MTM1: variants seen among roughly 807,000 people sequenced by gnomAD.
MTM1 encodes myotubularin 1, also known as myotubularin.
Under a neutral mutation model 52.1 loss-of-function variants are expected in MTM1, and 9 were observed. The observed-to-expected ratio is 0.17, with a 90% CI of 0.10 to 0.30. The LOEUF is 0.30. Ranked by LOEUF, MTM1 falls within the 10% of genes least tolerant of loss-of-function variation. MTM1 has a pLI of 1.00. For synonymous variants in MTM1, 136 were observed against 163.8 expected (o/e 0.83, Z 1.29); for missense variants, 277 against 470.7 (o/e 0.59, Z 3.81).
At chrX:150,579,592 C>T (rs782566362) in intron 1 of MTM1, among the ~76,000 whole-genome samples, 2 of 110,948 alleles carry the variant, frequency 1.8e-5, no homozygotes, top group East Asian at 5.7e-4. Context: ...ACCTCCTGGG[C>T]TAAAGTGATC....
intron 8 of MTM1, among the ~76,000 whole-genome samples, chrX:150,642,086 G>GT (rs34828694): frequency 1.1e-3 from 118 of 106,937 alleles, no homozygotes; most frequent in African/African-American, 3.3e-3. Context: ...GTACCTTGGG[G>GT]TTTTTTTTTT....
chrX:150,569,502 G>A (rs782629738), intron 1 of MTM1, among the ~76,000 whole-genome samples: 23 of 112,529 alleles, frequency 2.0e-4, no homozygotes, highest in Non-Finnish European at 3.8e-4. Context: ...TAAAATTATA[G>A]CATTTTAGAA....
chrX:150,587,644 G>A (rs1275330527), intron 1 of MTM1, among the ~76,000 whole-genome samples: 2 of 111,558 alleles, frequency 1.8e-5, no homozygotes, highest in African/African-American at 6.5e-5. Context: ...GGTTGAGGAC[G>A]TCTCAAGGTA....
rs1471000027 is a variant in MTM1, at chrX:150,583,461, TATAA to T, written c.-10-9140_-10-9137del. 3.9e-4 allele frequency among the ~76,000 whole-genome samples: 13 copies of T among 33,273 alleles called. 4 individuals carry two copies. Among genetic ancestry groups the T allele is most frequent in the Admixed American group, 1.5e-3 (2 of 1,374 alleles). The allele number at this position is 33,273 out of a possible 115,157, so 28.9% of individuals were successfully genotyped here. On this transcript the variant is annotated intron_variant, in intron 1 of 14. Coordinates refer to ENST00000370396, the MANE Select transcript of MTM1 (RefSeq NM_000252.3). ...AAAAATTATATATATTATATATAAT[TATAA>T]ATATATATAAATTATATATATTATA... is the stretch of plus-strand genomic sequence containing the variant.
chrX:150,635,144 C>T (rs1179948975), intron 6 of MTM1, among the ~76,000 whole-genome samples: 4 of 112,340 alleles, frequency 3.6e-5, no homozygotes, highest in Admixed American at 2.8e-4. Context: ...CTTGCTGAAG[C>T]ATCTACTGAA....
intron 6 of MTM1, among the ~76,000 whole-genome samples, chrX:150,619,535 A>G (rs1489506053): frequency 1.8e-5 from 2 of 112,349 alleles, no homozygotes; most frequent in African/African-American, 6.5e-5. Context: ...GTCAGGACCA[A>G]TTTATTATGC....
chrX:150,584,828 A>G (rs981017139), intron 1 of MTM1, among the ~76,000 whole-genome samples: 1 of 111,649 alleles, frequency 9.0e-6, no homozygotes, highest in Non-Finnish European at 1.9e-5. Context: ...TCAGTCCTCT[A>G]TAGATTACTT....
chrX:150,566,655 C>T (rs1054201609), upstream of MTM1, among the ~76,000 whole-genome samples: 1 of 110,820 alleles, frequency 9.0e-6, no homozygotes, highest in African/African-American at 3.3e-5. Context: ...CAGGAATTAC[C>T]TCCTTAGGAT....
chrX:150,612,241 A>G (rs1436284879), intron 4 of MTM1, among the ~76,000 whole-genome samples: 1 of 110,771 alleles, frequency 9.0e-6, no homozygotes, highest in Admixed American at 9.6e-5. Flanking sequence ...TGCCCTTAAG[A>G]TTCTTCCAGG....
At chrX:150,588,183 G>A (rs2038822764) in intron 1 of MTM1, among the ~76,000 whole-genome samples, 1 of 112,210 alleles carries the variant, frequency 8.9e-6, no homozygotes. Context: ...GTCTCAGTAT[G>A]TTTCCATAAG....
At chrX:150,626,787 C>A (rs1201202854) in intron 6 of MTM1, among the ~76,000 whole-genome samples, 4 of 111,982 alleles carry the variant, frequency 3.6e-5, no homozygotes, top group Non-Finnish European at 7.5e-5. Flanking sequence ...CACACACATG[C>A]TTTTAGCCTA....
At chrX:150,625,592 TCTTTAGAA>T (rs1164288142) in intron 6 of MTM1, among the ~76,000 whole-genome samples, 1 of 111,910 alleles carries the variant, frequency 8.9e-6, no homozygotes, top group Non-Finnish European at 1.9e-5. Flanking sequence ...TGAAAAGAAT[TCTTTAGAA>T]ATGGTTTTCC....
intron 1 of MTM1, among the ~76,000 whole-genome samples, chrX:150,584,691 G>A (rs1450393024): frequency 3.6e-5 from 4 of 110,967 alleles, no homozygotes; most frequent in African/African-American, 9.9e-5. Flanking sequence ...AAATACAATC[G>A]TCCCTTGGTA....
At chrX:150,632,090 C>T (rs1436714144) in intron 6 of MTM1, among the ~76,000 whole-genome samples, 1 of 111,760 alleles carries the variant, frequency 8.9e-6, no homozygotes, top group Non-Finnish European at 1.9e-5. Context: ...TGGCTGTGCT[C>T]AGGGATCTAG....
chrX:150,623,210 C>T (rs782503660), intron 6 of MTM1, among the ~76,000 whole-genome samples: 16 of 110,651 alleles, frequency 1.4e-4, no homozygotes, highest in South Asian at 3.9e-4. Context: ...GTTACAGAGG[C>T]GAGGGAAGAG....
chrX:150,586,811 G>A (rs1231004363), intron 1 of MTM1, among the ~76,000 whole-genome samples: 10 of 108,621 alleles, frequency 9.2e-5, no homozygotes, highest in African/African-American at 3.4e-4. Context: ...CTACTCAGGA[G>A]GCTGAGGCAG....
intron 1 of MTM1, among the ~76,000 whole-genome samples, chrX:150,580,501 G>A (rs1419976943): frequency 9.2e-6 from 1 of 108,212 alleles, no homozygotes; most frequent in Non-Finnish European, 1.9e-5. Flanking sequence ...CACTGGTTTT[G>A]GTTCTTCTTC....
intron 8 of MTM1, among the ~76,000 whole-genome samples, chrX:150,644,683 A>G (rs1678700702): frequency 9.0e-6 from 1 of 111,304 alleles, no homozygotes; most frequent in Admixed American, 9.6e-5. Context: ...GCCTGCCTCT[A>G]TAAGCTAACA....
At position 150,657,805 on chromosome X, in the gene MTM1, T is replaced by A. The variant is rs2040147488; in HGVS notation, c.1054-16T>A. ...TCTTATAACTCCCTACTGACTCACG[T>A]ATTTTTCTTTGTCAGCTCGTTTTGA... On this transcript the variant is annotated splice_polypyrimidine_tract_variant and intron_variant, in intron 10 of 14. Coordinates refer to ENST00000370396, the MANE Select transcript of MTM1 (RefSeq NM_000252.3). The A allele has an allele frequency of 8.3e-7, 1 of 1,202,631 alleles. No homozygotes were observed. The highest frequency in any genetic ancestry group is 2.2e-5 in the Admixed American group (1 of 45,651).
Sources: allele counts gnomAD v4.1 joint callset (sites outside exome capture counted in the v4.1 genomes callset), GRCh38; gene constraint gnomAD v4.1.1; transcripts MANE v1.5; gene names NCBI Gene and HGNC (gene_info 2026-07-23, HGNC 2026-07-21).